LRRC4C: variants seen among roughly 807,000 people sequenced by gnomAD.
LRRC4C encodes leucine-rich repeat-containing protein 4C.
A neutral mutation model predicts 33.6 loss-of-function variants in LRRC4C; 5 were observed. That is an observed-to-expected ratio of 0.15 (90% CI 0.08 to 0.31). The LOEUF (loss-of-function observed/expected upper bound fraction) is 0.31, where lower values mean the gene tolerates loss of function less well. LRRC4C is among the 10% of genes least tolerant of loss of function. LRRC4C has a pLI of 1.00. For missense variants in LRRC4C, 560 were observed against 796.7 expected, an observed-to-expected ratio of 0.70 and a Z score of 3.58; for synonymous variants, 329 against 302.0, an observed-to-expected ratio of 1.09 and a Z score of -0.93.
chr11:40,560,470 T>TG (rs748191681), intron 3 of LRRC4C, among the ~76,000 whole-genome samples: 18 of 145,504 alleles, frequency 1.2e-4, no homozygotes, highest in African/African-American at 4.2e-4. Context: ...GTGTGTGTGT[T>TG]ATCTGTATTC....
chr11:41,076,537 ACT>A (rs1939162003), intron 1 of LRRC4C, among the ~76,000 whole-genome samples: 1 of 151,878 alleles, frequency 6.6e-6, no homozygotes, highest in African/African-American at 2.4e-5. Flanking sequence ...TCTTGTGAGA[ACT>A]CTCTCAATTA....
At chr11:40,864,897 C>T (rs888032841) in intron 2 of LRRC4C, among the ~76,000 whole-genome samples, 1 of 152,152 alleles carries the variant, frequency 6.6e-6, no homozygotes, top group African/African-American at 2.4e-5. Flanking sequence ...GATAAGTGGA[C>T]AGGTGATATA....
chr11:40,317,852 T>C (rs1194267688), intron 4 of LRRC4C, among the ~76,000 whole-genome samples: 2 of 152,138 alleles, frequency 1.3e-5, no homozygotes, highest in Non-Finnish European at 2.9e-5. Flanking sequence ...ACCAGGTTCC[T>C]CTTTTAGAGA....
At chr11:41,005,782 G>T (rs1415340646) in intron 1 of LRRC4C, among the ~76,000 whole-genome samples, 1 of 152,118 alleles carries the variant, frequency 6.6e-6, no homozygotes, top group East Asian at 1.9e-4. Context: ...GCCTGCAGAA[G>T]AACTAGCCAA....
intron 3 of LRRC4C, among the ~76,000 whole-genome samples, chr11:40,634,484 T>C (rs1223948637): frequency 1.3e-5 from 2 of 152,166 alleles, no homozygotes; most frequent in Non-Finnish European, 2.9e-5. Flanking sequence ...TGAATATTAC[T>C]AGAAAGCGTC....
chr11:40,564,397 G>T (rs1480241691), intron 3 of LRRC4C, among the ~76,000 whole-genome samples: 1 of 152,196 alleles, frequency 6.6e-6, no homozygotes, highest in African/African-American at 2.4e-5. Flanking sequence ...TTCTAGGAAG[G>T]TCCAGAGGAC....
intron 3 of LRRC4C, among the ~76,000 whole-genome samples, chr11:40,465,748 C>A (rs929646861): frequency 8.6e-5 from 13 of 151,802 alleles, no homozygotes; most frequent in African/African-American, 2.2e-4. Context: ...CAGAGTAAGA[C>A]ACCATCAGAA....
intron 3 of LRRC4C, among the ~76,000 whole-genome samples, chr11:40,541,840 G>A (rs1824533588): frequency 6.6e-6 from 1 of 152,006 alleles, no homozygotes. Context: ...AGAATGCTAT[G>A]GATAGGAAAA....
At chr11:40,321,176 T>C (rs547571305) in intron 3 of LRRC4C, among the ~76,000 whole-genome samples, 1 of 152,282 alleles carries the variant, frequency 6.6e-6, no homozygotes, top group South Asian at 2.1e-4. Context: ...GAATTTAGCA[T>C]GATATGATGA....
chr11:40,725,470 T>TCCA (rs1260645554), intron 2 of LRRC4C, among the ~76,000 whole-genome samples: 2 of 149,180 alleles, frequency 1.3e-5, no homozygotes, highest in Non-Finnish European at 3.0e-5. Context: ...GAGCCGAGAA[T>TCCA]CCACCACTGC....
At position 40,166,986 on chromosome 11, in the gene LRRC4C, G is replaced by A. The variant is rs779595900; in HGVS notation, c.-95-26133C>T. Among the ~76,000 whole-genome samples, 9 of 152,176 alleles carry A rather than the reference G, an allele frequency of 5.9e-5. No homozygotes were observed. In the South Asian group the frequency reaches 1.2e-3, roughly 21 times the overall value. ...GCCTGTGTCTAAATTATGACTCCCCGTGTCTAGATTATGACCAGCATTGAT... is the reference window on the plus strand; with the variant it reads ...GCCTGTGTCTAAATTATGACTCCCCATGTCTAGATTATGACCAGCATTGAT... On this transcript the variant is annotated intron_variant, in intron 5 of 6. Coordinates refer to ENST00000528697, the MANE Select transcript of LRRC4C (RefSeq NM_001258419.2).
intron 2 of LRRC4C, among the ~76,000 whole-genome samples, chr11:40,663,366 C>A (rs530025677): frequency 6.6e-6 from 1 of 152,324 alleles, no homozygotes; most frequent in East Asian, 1.9e-4. Flanking sequence ...CAGGCGTGAG[C>A]CACCGCACCC....
chr11:40,709,958 C>G (rs1946377049), intron 2 of LRRC4C, among the ~76,000 whole-genome samples: 1 of 151,858 alleles, frequency 6.6e-6, no homozygotes, highest in South Asian at 2.1e-4. Flanking sequence ...TCACTGATAC[C>G]CTTTCTTCCA....
chr11:41,050,566 G>T (rs1329256692), intron 1 of LRRC4C, among the ~76,000 whole-genome samples: 1 of 152,028 alleles, frequency 6.6e-6, no homozygotes. Flanking sequence ...TCCTGTGTTA[G>T]TTTGCTGAGA....
intron 1 of LRRC4C, among the ~76,000 whole-genome samples, chr11:41,349,237 C>CT (rs1951897254): frequency 6.6e-6 from 1 of 152,112 alleles, no homozygotes; most frequent in African/African-American, 2.4e-5. Context: ...TAAAGGCATT[C>CT]TTTTTCCACT....
chr11:41,213,251 TG>T (rs1460061142), intron 1 of LRRC4C, among the ~76,000 whole-genome samples: 1 of 152,232 alleles, frequency 6.6e-6, no homozygotes, highest in Non-Finnish European at 1.5e-5. Context: ...AGGTTTATTA[TG>T]GGGTATATGT....
At chr11:40,710,231 T>G (rs974930427) in intron 2 of LRRC4C, among the ~76,000 whole-genome samples, 7 of 152,220 alleles carry the variant, frequency 4.6e-5, no homozygotes, top group Admixed American at 3.3e-4. Context: ...TTTGTTCCGT[T>G]GTTGGCGAGG....
chr11:40,472,097 G>A (rs1952970686), intron 3 of LRRC4C, among the ~76,000 whole-genome samples: 1 of 149,582 alleles, frequency 6.7e-6, no homozygotes, highest in Admixed American at 6.8e-5. Flanking sequence ...CTAACATGGT[G>A]AAACCCTGTC....
intron 2 of LRRC4C, among the ~76,000 whole-genome samples, chr11:40,863,979 T>C (rs182644115): frequency 1.1e-4 from 17 of 152,262 alleles, no homozygotes; most frequent in Admixed American, 1.1e-3. Context: ...AAATGCAGTT[T>C]TTTTAATTGA....
Sources: gnomAD v4.1 joint callset for allele counts (sites outside exome capture counted in the v4.1 genomes callset) on GRCh38, gnomAD v4.1.1 for gene constraint, MANE v1.5 for transcripts, NCBI Gene and HGNC (gene_info 2026-07-23, HGNC 2026-07-21) for gene names.